Variants in ZBTB37 observed in about 807,000 individuals in gnomAD.
ZBTB37 encodes zinc finger and BTB domain-containing protein 37.
A neutral mutation model predicts 37.7 loss-of-function variants in ZBTB37; 15 were observed. The observed-to-expected ratio is 0.40, with a 90% CI of 0.27 to 0.61. The LOEUF (loss-of-function observed/expected upper bound fraction) is 0.61, where lower values mean the gene tolerates loss of function less well. Among genes scored for constraint, ZBTB37 ranks in the 20% least tolerant of loss-of-function variants. The pLI is 0.44. For synonymous variants in ZBTB37, 231 were observed against 220.6 expected, an observed-to-expected ratio of 1.05 and a Z score of -0.42; for missense variants, 514 against 641.9, an observed-to-expected ratio of 0.80 and a Z score of 2.15.
rs564066983 is a variant in ZBTB37, at chr1:173,869,892, C to T, written c.-29-305C>T. On this transcript the variant is annotated intron_variant, in intron 2 of 4. Transcript: ENST00000427304. ...TTATAGTTAACACTTAAAAGTCCTT[C>T]CCCCTACCTTCTGTTGAACTTCTGT... is the stretch of plus-strand genomic sequence containing the variant. Among the ~76,000 whole-genome samples the T allele has an allele frequency of 6.6e-5, 10 of 152,248 alleles. No homozygotes were observed. In the East Asian group the frequency reaches 1.7e-3, roughly 26 times the overall value.
intron 1 of ZBTB37, 135 bp from the exon 2 acceptor site, chr1:173,868,790 A>G (rs1655252233): frequency 6.5e-6 from 1 of 152,918 alleles, no homozygotes; most frequent in Admixed American, 6.5e-5. Flanking sequence ...CCTTGTCCCC[A>G]TCTTCTCCGA....
At chr1:173,901,356 G>A (rs1490097194) in exon 4 of ZBTB37, 1 of 151,216 alleles carries the variant, frequency 6.6e-6, no homozygotes, top group Non-Finnish European at 1.5e-5. Context: ...AGAACATCAG[G>A]AACTAATGGC....
At chr1:173,883,671 G>A (rs1367157366) in intron 4 of ZBTB37, among the ~76,000 whole-genome samples, 1 of 152,082 alleles carries the variant, frequency 6.6e-6, no homozygotes, top group Non-Finnish European at 1.5e-5. Context: ...TTTATCCAGG[G>A]AAATGAAGCA....
At chr1:173,874,255 CA>C (rs1285477473) in intron 4 of ZBTB37, among the ~76,000 whole-genome samples, 127 of 46,768 alleles carry the variant, frequency 2.7e-3, no homozygotes, top group Admixed American at 3.4e-3. Flanking sequence ...AACTCCGTCT[CA>C]AAAAAAAAAA....
At chr1:173,880,739 A>G (rs1656249254) in intron 4 of ZBTB37, among the ~76,000 whole-genome samples, 1 of 152,190 alleles carries the variant, frequency 6.6e-6, no homozygotes, top group Admixed American at 6.5e-5. Context: ...CAAAAAGTAT[A>G]TTGCTGCCAT....
intron 4 of ZBTB37, among the ~76,000 whole-genome samples, chr1:173,880,043 A>G (rs886394476): frequency 1.6e-4 from 24 of 152,230 alleles, no homozygotes; most frequent in Admixed American, 3.3e-4. Flanking sequence ...GCCCAGACAA[A>G]TACAATAACT....
chr1:173,881,794 C>T (rs1302990115), intron 4 of ZBTB37, among the ~76,000 whole-genome samples: 1 of 152,158 alleles, frequency 6.6e-6, no homozygotes, highest in Non-Finnish European at 1.5e-5. Flanking sequence ...GTGGCTCACA[C>T]CTGCAATCCC....
intron 4 of ZBTB37, among the ~76,000 whole-genome samples, chr1:173,883,175 A>G (rs1656429863): frequency 6.6e-6 from 1 of 152,180 alleles, no homozygotes; most frequent in Non-Finnish European, 1.5e-5. Flanking sequence ...TTACCATTGT[A>G]TTTAGAAAAA....
At chr1:173,885,742 A>G (rs1396226342) in exon 5 of ZBTB37, 10 of 1,551,456 alleles carry the variant, frequency 6.4e-6, no homozygotes, top group East Asian at 2.4e-5. Context: ...ACCTGCATCT[A>G]TTGCGCCAAA....
chr1:173,883,065 A>G (rs1036619671), intron 4 of ZBTB37, among the ~76,000 whole-genome samples: 14 of 152,228 alleles, frequency 9.2e-5, no homozygotes, highest in Admixed American at 7.9e-4. Flanking sequence ...CACACAATAA[A>G]TAGAACTCAG....
chr1:173,899,101 C>G (rs1296040153), exon 4 of ZBTB37: 1 of 152,156 alleles, frequency 6.6e-6, no homozygotes. Context: ...TCACAAATAA[C>G]AACTGATACA....
intron 4 of ZBTB37, among the ~76,000 whole-genome samples, chr1:173,883,510 C>T (rs955211455): frequency 6.6e-6 from 1 of 152,128 alleles, no homozygotes; most frequent in African/African-American, 2.4e-5. Flanking sequence ...GTTCAATTCT[C>T]GTGAGAATCC....
Position 173,871,168 on chromosome 1 carries a change from G to T in ZBTB37, c.923+20G>T, listed in dbSNP as rs200874591. 6.4e-7 allele frequency: 1 copy of T among 1,559,138 alleles called. No homozygotes were observed. Among genetic ancestry groups the T allele is most frequent in the Non-Finnish European group, 8.7e-7 (1 of 1,153,262 alleles). On this transcript the variant is annotated intron_variant, in intron 3 of 4. Transcript: ENST00000427304. ...TGACAGGTAGGTTTGGTTTGGTTTG[G>T]TTTTCCCATGTAATGGCTATTGTGT...
exon 5 of ZBTB37, chr1:173,885,921 A>G: frequency 6.4e-7 from 1 of 1,551,824 alleles, no homozygotes; most frequent in Non-Finnish European, 8.7e-7. Context: ...CTGTGGCAAA[A>G]GTTTCCCCTT....
downstream of ZBTB37, chr1:173,887,431 A>G (rs1656672396): frequency 1.3e-5 from 2 of 152,352 alleles, no homozygotes; most frequent in Admixed American, 6.5e-5. Flanking sequence ...TCATGTTGCA[A>G]TAAATGATCA....
chr1:173,881,903 T>A (rs924778746), intron 4 of ZBTB37, among the ~76,000 whole-genome samples: 28 of 151,750 alleles, frequency 1.8e-4, no homozygotes, highest in Admixed American at 1.1e-3. Flanking sequence ...AAACACAAAA[T>A]ATTAGCCGGG....
intron 4 of ZBTB37, among the ~76,000 whole-genome samples, chr1:173,873,872 C>A (rs1655733953): frequency 6.6e-6 from 1 of 152,118 alleles, no homozygotes; most frequent in Non-Finnish European, 1.5e-5. Context: ...TAATCTGTTT[C>A]ATTAATAAGG....
chr1:173,877,373 CTT>C (rs58043559), intron 4 of ZBTB37, among the ~76,000 whole-genome samples: 10,831 of 87,854 alleles, frequency 0.12, 480 homozygotes, highest in Middle Eastern at 0.14. Context: ...GATTTTCTTT[CTT>C]TTTTTTTTTT....
exon 4 of ZBTB37, chr1:173,873,478 C>T: frequency 3.1e-6 from 5 of 1,610,994 alleles, no homozygotes; most frequent in Non-Finnish European, 4.2e-6. Flanking sequence ...TTTAGCCCCT[C>T]CGGCAGTGTT....
Sources: gnomAD v4.1 joint callset for allele counts (sites outside exome capture counted in the v4.1 genomes callset) on GRCh38, gnomAD v4.1.1 for gene constraint, MANE v1.5 for transcripts, NCBI Gene and HGNC (gene_info 2026-07-23, HGNC 2026-07-21) for gene names.